Variants in HTT observed in about 807,000 individuals in gnomAD.
HTT encodes the protein huntington disease protein.
HTT carries 104 observed loss-of-function variants against 362.3 expected under a neutral mutation model. That is an observed-to-expected ratio of 0.29 (90% confidence interval 0.24 to 0.34). The LOEUF is 0.34. Among genes scored for constraint, HTT ranks in the 10% least tolerant of loss-of-function variants. The pLI, the probability that HTT is intolerant of heterozygous loss-of-function variation, is 1.00. For synonymous variants in HTT, 1,577 were observed against 1,548.7 expected, an observed-to-expected ratio of 1.02 and a Z score of -0.43; for missense variants, 3,301 against 3,928.6, an observed-to-expected ratio of 0.84 and a Z score of 4.27.
At chr4:3,230,468 G>C (rs1216225626) in intron 60 of HTT, among the ~76,000 whole-genome samples, 1 of 152,200 alleles carries the variant, frequency 6.6e-6, no homozygotes, top group Non-Finnish European at 1.5e-5. Flanking sequence ...TGGCTGGACA[G>C]CTTCTCTCCT....
intron 8 of HTT, among the ~76,000 whole-genome samples, chr4:3,120,243 A>G (rs1715230286): frequency 6.6e-6 from 1 of 152,242 alleles, no homozygotes; most frequent in African/African-American, 2.4e-5. Flanking sequence ...CTTCAGATAC[A>G]TTATGAGTAA....
At chr4:3,075,546 G>A (rs1209032439) in intron 1 of HTT, among the ~76,000 whole-genome samples, 1 of 151,984 alleles carries the variant, frequency 6.6e-6, no homozygotes, top group African/African-American at 2.4e-5. Context: ...GAGGGCTGGG[G>A]GCGCGGGACA....
intron 37 of HTT, among the ~76,000 whole-genome samples, chr4:3,184,616 G>A (rs191140127): frequency 3.8e-4 from 58 of 152,262 alleles, no homozygotes; most frequent in African/African-American, 1.3e-3. Context: ...ATTTCAGGGT[G>A]AGGACAGGGT....
intron 29 of HTT, among the ~76,000 whole-genome samples, chr4:3,162,606 A>G (rs577222568): frequency 4.6e-5 from 7 of 152,276 alleles, no homozygotes; most frequent in Admixed American, 1.3e-4. Context: ...TTCCTTGAGC[A>G]GTGGTTTGTA....
chr4:3,233,821 G>A (rs1201837721), intron 61 of HTT, among the ~76,000 whole-genome samples: 2 of 152,208 alleles, frequency 1.3e-5, no homozygotes, highest in Non-Finnish European at 2.9e-5. Context: ...AAGCACGGCT[G>A]GTGCCGCAAC....
intron 1 of HTT, among the ~76,000 whole-genome samples, chr4:3,083,562 CACACACACACACACACACACACACAT>C (rs1395662926): frequency 3.4e-5 from 5 of 148,258 alleles, no homozygotes; most frequent in Non-Finnish European, 7.4e-5. Context: ...CACACACACA[CACACACACACACACACACACACACAT>C]ATATATGTAT....
chr4:3,163,714 T>C (rs1045040326), intron 29 of HTT, among the ~76,000 whole-genome samples: 5 of 152,216 alleles, frequency 3.3e-5, no homozygotes, highest in Admixed American at 6.5e-5. Context: ...TGGGTAGAGA[T>C]GTTTATAGTA....
intron 6 of HTT, among the ~76,000 whole-genome samples, chr4:3,112,363 C>T (rs1301131047): frequency 6.6e-6 from 1 of 152,106 alleles, no homozygotes; most frequent in African/African-American, 2.4e-5. Context: ...CCCTTGTAAC[C>T]GCCACCCAGG....
intron 40 of HTT, 105 bp from the exon 41 acceptor site, chr4:3,199,627 G>A: frequency 1.1e-6 from 1 of 940,258 alleles, no homozygotes; most frequent in Non-Finnish European, 1.7e-6. Context: ...ACGTAAGTAT[G>A]GGAGACGACT....
chr4:3,180,452 G>C, intron 35 of HTT, 63 bp from the exon 36 acceptor site: 1 of 1,435,782 alleles, frequency 7.0e-7, no homozygotes, highest in South Asian at 1.4e-5. Context: ...TAGATGTTGA[G>C]AGCAGTTTTC....
chr4:3,107,885 A>G (rs1714519362), intron 6 of HTT, among the ~76,000 whole-genome samples: 1 of 152,218 alleles, frequency 6.6e-6, no homozygotes, highest in Non-Finnish European at 1.5e-5. Flanking sequence ...AATGTCCAGA[A>G]ATAGTGACCC....
rs1355736678 is a variant in HTT, at chr4:3,105,431, A to G, written c.603A>G (p.Lys201=). 2.5e-6 allele frequency: 4 copies of G among 1,611,614 alleles called. No individual in the cohort carries two copies. Among genetic ancestry groups the G allele is most frequent in the Middle Eastern group, 1.7e-4 (1 of 6,060 alleles). The change falls in exon 5 of 67, where the codon AAA becomes AAG. Residue 201 remains lysine, a synonymous_variant. Transcript: ENST00000355072. ...TGGCTCACCTGGTTCGGCCTCAGAA[A>G]TGCAGGTAAGTTGTACACTCTGGAT... ...AELAHLVRPQ[K]CRPYLVNLLP...
At chr4:3,229,756 C>T (rs1721157856) in intron 59 of HTT, 131 bp from the exon 60 acceptor site, 1 of 985,400 alleles carries the variant, frequency 1.0e-6, no homozygotes, top group African/African-American at 1.6e-5. Flanking sequence ...CACACACGCA[C>T]ACATGCGTCC....
rs1178395987 is a variant in HTT at position 3,208,819 on chromosome 4, A to C, written c.6199A>C (p.Met2067Leu). 6.2e-7 allele frequency: 1 copy of C among 1,614,036 alleles called. No homozygotes were observed. The highest frequency in any genetic ancestry group is 1.1e-5 in the South Asian group (1 of 91,074). The change falls in exon 46 of 67, where the codon ATG becomes CTG. Residue 2067 changes from methionine (M) to leucine (L), a missense_variant. Transcript: ENST00000355072. ...GCTGGACAGGTTTCGTCTCTCCACC[A>C]TGCAAGACTCACTTAGTCCCTCTCC... is the stretch of plus-strand genomic sequence containing the variant. ...SLLDRFRLST[M>L]QDSLSPSPPV... is the part of the protein sequence containing the mutation.
At chr4:3,156,794 A>G (rs944864617) in intron 27 of HTT, among the ~76,000 whole-genome samples, 2 of 152,226 alleles carry the variant, frequency 1.3e-5, no homozygotes, top group African/African-American at 2.4e-5. Context: ...AGCTGCTCCT[A>G]TGATTCTCTA....
chr4:3,085,433 G>A (rs1202436032), intron 1 of HTT, among the ~76,000 whole-genome samples: 1 of 152,128 alleles, frequency 6.6e-6, no homozygotes, highest in East Asian at 1.9e-4. Flanking sequence ...ACACCTGGCC[G>A]TTTGTTTTAA....
intron 39 of HTT, chr4:3,188,165 G>A (rs1482579371): frequency 3.4e-6 from 1 of 296,142 alleles, no homozygotes; most frequent in Non-Finnish European, 6.3e-6. Flanking sequence ...TGGCTGTCCT[G>A]GGGGCAGGCA....
chr4:3,173,202 G>C, intron 31 of HTT, 71 bp downstream of exon 31: 1 of 1,230,832 alleles, frequency 8.1e-7, no homozygotes, highest in Non-Finnish European at 1.2e-6. Context: ...CTTTGTAAAA[G>C]AATAAAAACG....
intron 31 of HTT, among the ~76,000 whole-genome samples, chr4:3,173,779 C>G (rs1232393276): frequency 2.0e-5 from 3 of 151,980 alleles, no homozygotes; most frequent in Admixed American, 1.3e-4. Context: ...TGCCATTCTC[C>G]TGCCTCAGCC....
Sources: gnomAD v4.1 joint callset for allele counts (sites outside exome capture counted in the v4.1 genomes callset) on GRCh38, gnomAD v4.1.1 for gene constraint, MANE v1.5 for transcripts, NCBI Gene and HGNC (gene_info 2026-07-23, HGNC 2026-07-21) for gene names.